The following FGF20 variants were observed in gnomAD, a reference collection of about 807,000 sequenced individuals.
FGF20 encodes fibroblast growth factor 20.
Under a neutral mutation model 16.7 loss-of-function variants are expected in FGF20, and 8 were observed. The observed-to-expected ratio is 0.48, with a 90% CI of 0.28 to 0.87. The LOEUF is 0.87. Among genes scored for constraint, FGF20 ranks in the 40% least tolerant of loss-of-function variants. The probability of loss-of-function intolerance (pLI) is 0.10; values close to 1 mark genes in which losing one functional copy is unlikely to be tolerated. For synonymous variants in FGF20, 161 were observed against 118.6 expected (o/e 1.36, Z -2.32); for missense variants, 397 against 281.4 (o/e 1.41, Z -2.94).
chr8:17,001,725 G>T (rs1014779014), intron 1 of FGF20, 22 bp downstream of exon 1: 3 of 1,561,784 alleles, frequency 1.9e-6, no homozygotes, highest in Admixed American at 3.7e-5. Flanking sequence ...GATGGGGGTG[G>T]GGTCGGGATG....
In FGF20 at chr8:17,002,089, G is replaced by C. The variant is rs149242678; in HGVS notation, c.-57C>G. 3.5e-4 allele frequency: 507 copies of C among 1,446,178 alleles called. 5 individuals are homozygous for C. The East Asian group carries it at 0.014, about 40-fold the overall frequency. The allele number at this position is 1,446,178 out of a possible 1,614,324, so 89.6% of individuals were successfully genotyped here. A position where few individuals can be genotyped will look rare whatever the true frequency, so the allele number is the denominator to read the frequency against. ...CCCAGTAAAGAGTGTTGTGGGGGTG[G>C]GATGGAGGTGGATAGAGAAAAATTA... On this transcript the variant is annotated 5_prime_UTR_variant, in exon 1 of 3. Transcript: ENST00000180166.
Position 17,002,141 on chromosome 8 carries a change from G to A in FGF20, c.-109C>T. ...AGCAAAACGAGCGCAAAAAGTTAAG[G>A]CCCGGTTACTCCTCTGAGGTCGCTC... On this transcript the variant is annotated 5_prime_UTR_variant, in exon 1 of 3. Transcript: ENST00000180166. 3.4e-6 allele frequency: 4 copies of A among 1,182,320 alleles called. No homozygotes were observed. The highest frequency in any genetic ancestry group is 3.3e-6 in the Non-Finnish European group (3 of 895,642). 73.2% of individuals were successfully genotyped at this position (1,182,320 alleles called of 1,614,324 possible).
intron 1 of FGF20, among the ~76,000 whole-genome samples, chr8:16,996,121 C>T (rs536197222): frequency 6.6e-6 from 1 of 152,214 alleles, no homozygotes; most frequent in South Asian, 2.1e-4. Context: ...GGGATTCAAT[C>T]TGTGAGATGG....
At position 16,993,311 on chromosome 8, in the gene FGF20, G is replaced by A; in HGVS notation, c.397C>T (p.Leu133Phe). The change falls in exon 3 of 3, where the codon CTT becomes TTT. Residue 133 changes from leucine (L) to phenylalanine (F), a missense_variant. Physicochemically the swap from Leu to Phe is conservative, Grantham distance 22. Transcript: ENST00000180166. The stretch of plus-strand genomic sequence containing the variant: ...TCCCTAAAGATGCATTCGGAAGTAA[G>A]TTTCTCCTGAAAGAGAGAAGATAAC... ...DKGELYGSEK[L>F]TSECIFREQF... The A allele has an allele frequency of 1.2e-6, 2 of 1,600,332 alleles. No homozygotes were observed. Among genetic ancestry groups the A allele is most frequent in the African/African-American group, 1.3e-5 (1 of 74,338 alleles).
In FGF20 at chr8:17,001,895, C is replaced by T. The variant is rs994701425; in HGVS notation, c.138G>A (p.Arg46=). The T allele has an allele frequency of 8.4e-5, 121 of 1,443,440 alleles. No individual in the cohort carries two copies. Among genetic ancestry groups the T allele is most frequent in the Non-Finnish European group, 1.1e-4 (117 of 1,102,118 alleles). 89.4% of individuals were successfully genotyped at this position (1,443,440 alleles called of 1,614,324 possible). A position where few individuals can be genotyped will look rare whatever the true frequency, so the allele number is the denominator to read the frequency against. The change falls in exon 1 of 3, where the codon CGG becomes CGA. Residue 46 remains arginine, a synonymous_variant. Transcript: ENST00000180166. ...CAGCCCCCGGCCCGCCGCGCGCGCT[C>T]CGCTCCGCCGCGCTCCTGCGCTCGC... The part of the protein sequence containing the change: ...LLGERRSAAE[R]SARGGPGAAQ...
Position 17,002,299 on chromosome 8 carries a change from G to T in FGF20, c.-267C>A. 2.6e-6 allele frequency: 1 copy of T among 388,090 alleles called. No individual in the cohort carries two copies. The highest frequency in any genetic ancestry group is 4.5e-6 in the Non-Finnish European group (1 of 222,026). 24.0% of individuals were successfully genotyped at this position (388,090 alleles called of 1,614,324 possible). Reference sequence around the variant, plus strand: ...GCTGCCGCTGCCAATACTAGGACTAGGGCTGTTGGCTGGGGCTCCAATTCC... The same window carrying T: ...GCTGCCGCTGCCAATACTAGGACTATGGCTGTTGGCTGGGGCTCCAATTCC... On this transcript the variant is annotated 5_prime_UTR_variant, in exon 1 of 3. Coordinates refer to ENST00000180166, the MANE Select transcript of FGF20 (RefSeq NM_019851.3).
rs1809973625 is a variant in FGF20 at position 16,993,689 on chromosome 8, A to G, written c.391-372T>C. 1.3e-5 allele frequency among the ~76,000 whole-genome samples: 2 copies of G among 151,940 alleles called. 1 individual carries two copies. Among genetic ancestry groups the G allele is most frequent in the South Asian group, 4.1e-4 (2 of 4,822 alleles). ...TAATATATAATGAAATAATTACACA[A>G]CTCATCATAATATAGAATCAGTGGG... On this transcript the variant is annotated intron_variant, in intron 2 of 2. Coordinates refer to ENST00000180166, the MANE Select transcript of FGF20 (RefSeq NM_019851.3).
Position 16,992,515 on chromosome 8 carries a change from A to G in FGF20, c.*557T>C, listed in dbSNP as rs1809937079. The G allele has an allele frequency of 6.6e-6, 1 of 151,528 alleles. No individual in the cohort carries two copies. The highest frequency in any genetic ancestry group is 6.6e-5 in the Admixed American group (1 of 15,218). 9.4% of individuals were successfully genotyped at this position (151,528 alleles called of 1,614,324 possible). ...TATATAATAAATATTTTCAAATTGA[A>G]AGTGTATAAATAGGTCCATTCTTTT... On this transcript the variant is annotated 3_prime_UTR_variant, in exon 3 of 3. Transcript: ENST00000180166.
chr8:16,999,053 A>G (rs985344161), intron 1 of FGF20, among the ~76,000 whole-genome samples: 1 of 152,218 alleles, frequency 6.6e-6, no homozygotes, highest in Admixed American at 6.5e-5. Flanking sequence ...ATAATGTTAT[A>G]TAGCTTGAAC....
intron 2 of FGF20, among the ~76,000 whole-genome samples, chr8:16,994,129 T>C (rs1292585797): frequency 8.5e-5 from 13 of 152,154 alleles, no homozygotes; most frequent in Non-Finnish European, 1.8e-4. Flanking sequence ...TTTTCTCATG[T>C]CCCATATCAT....
At chr8:16,999,573 A>C (rs1457159096) in intron 1 of FGF20, among the ~76,000 whole-genome samples, 1 of 120,122 alleles carries the variant, frequency 8.3e-6, no homozygotes, top group Non-Finnish European at 1.6e-5. Context: ...CCAAGGCTGG[A>C]GTGCAGTGGT....
At chr8:16,995,908 A>T (rs976091049) in intron 1 of FGF20, 150 bp from the exon 2 acceptor site, 2 of 503,060 alleles carry the variant, frequency 4.0e-6, no homozygotes, top group Non-Finnish European at 3.5e-6. Flanking sequence ...CACTGGAAAC[A>T]GCTATGCAAT....
Position 17,001,975 on chromosome 8 carries a change from G to C in FGF20, c.58C>G (p.Gln20Glu), listed in dbSNP as rs1263989325. 2 of 1,513,170 alleles carry C rather than the reference G, an allele frequency of 1.3e-6. No homozygotes were observed. Among genetic ancestry groups the C allele is most frequent in the Admixed American group, 2.2e-5 (1 of 45,530 alleles). 93.7% of individuals were successfully genotyped at this position (1,513,170 alleles called of 1,614,324 possible). ...FLGGLEGLGQ[Q>E]VGSHFLLPPA... ...GGCAACAGGAAATGCGAACCCACCTGCTGGCCCAAGCCCTCCAGGCCGCCC... is the reference window on the plus strand; with the variant it reads ...GGCAACAGGAAATGCGAACCCACCTCCTGGCCCAAGCCCTCCAGGCCGCCC... The change falls in exon 1 of 3, where the codon CAG becomes GAG. Residue 20 changes from glutamine (Q) to glutamate (E), a missense_variant. Physicochemically the swap from Gln to Glu is conservative, Grantham distance 29 (BLOSUM62 2). Coordinates refer to ENST00000180166, the MANE Select transcript of FGF20 (RefSeq NM_019851.3).
chr8:16,995,257 G>A (rs17550206), intron 2 of FGF20, among the ~76,000 whole-genome samples: 8,860 of 152,192 alleles, frequency 0.058, 400 homozygotes, highest in Non-Finnish European at 0.081. Context: ...AGTAAGTGAC[G>A]TATATTTAGC....
intron 2 of FGF20, among the ~76,000 whole-genome samples, chr8:16,994,324 A>G (rs1285957015): frequency 6.6e-6 from 1 of 152,150 alleles, no homozygotes; most frequent in East Asian, 1.9e-4. Context: ...TGAATTTACT[A>G]ACTGTTTGAT....
chr8:16,995,356 C>G (rs904070860), intron 2 of FGF20, among the ~76,000 whole-genome samples: 4 of 152,122 alleles, frequency 2.6e-5, no homozygotes, highest in Admixed American at 1.3e-4. Context: ...AATATTCTCC[C>G]TTTTATCTCT....
intron 1 of FGF20, among the ~76,000 whole-genome samples, chr8:17,001,135 T>C (rs925238640): frequency 1.4e-5 from 2 of 146,624 alleles, no homozygotes; most frequent in Non-Finnish European, 3.0e-5. Context: ...GTAGCGAATG[T>C]GCCCACGGAA....
At chr8:16,995,057 G>A (rs1322942276) in intron 2 of FGF20, among the ~76,000 whole-genome samples, 1 of 152,170 alleles carries the variant, frequency 6.6e-6, no homozygotes, top group Non-Finnish European at 1.5e-5. Context: ...AACATTTATA[G>A]TAGACCCACA....
chr8:16,994,291 C>T (rs11993811), intron 2 of FGF20, among the ~76,000 whole-genome samples: 38,007 of 152,054 alleles, frequency 0.25, 5,125 homozygotes, highest in East Asian at 0.46. Context: ...GATCATCACT[C>T]CAAATCATAT....
Sources: allele counts gnomAD v4.1 joint callset (sites outside exome capture counted in the v4.1 genomes callset), GRCh38; gene constraint gnomAD v4.1.1; transcripts MANE v1.5; gene names NCBI Gene and HGNC (gene_info 2026-07-23, HGNC 2026-07-21).